DLEC1: variants seen among roughly 807,000 people sequenced by gnomAD.
The protein encoded by DLEC1 is deleted in lung and esophageal cancer protein 1.
In DLEC1, 146 loss-of-function variants were observed where a neutral mutation model predicts 198.1. The observed-to-expected ratio is 0.74, with a 90% CI of 0.64 to 0.85. The LOEUF (loss-of-function observed/expected upper bound fraction) is 0.85, where lower values mean the gene tolerates loss of function less well. DLEC1 is among the 40% of genes least tolerant of loss of function. The probability of loss-of-function intolerance (pLI) is 0.00; values close to 1 mark genes in which losing one functional copy is unlikely to be tolerated. For missense variants in DLEC1, 2,233 were observed against 2,220.0 expected (o/e 1.01, Z -0.12); for synonymous variants, 897 against 866.8 (o/e 1.03, Z -0.61).
Position 38,104,054 on chromosome 3 carries a change from G to C in DLEC1, c.2865-3530G>C, listed in dbSNP as rs765929240. The stretch of plus-strand genomic sequence containing the variant: ...TGATAGGCTTGCTCAATGCAGCGTT[G>C]TCACAAACCTTCGATTTGTAAAAAT... On this transcript the variant is annotated intron_variant, in intron 19 of 36. Transcript: ENST00000308059. Among the ~76,000 whole-genome samples the C allele has an allele frequency of 2.6e-5, 4 of 152,226 alleles. No individual in the cohort carries two copies. The South Asian group carries it at 8.3e-4, about 31-fold the overall frequency.
At chr3:38,068,082 TAGCA>T (rs1220250917) in intron 6 of DLEC1, among the ~76,000 whole-genome samples, 6 of 151,912 alleles carry the variant, frequency 3.9e-5, no homozygotes, top group African/African-American at 1.5e-4. Flanking sequence ...GTGAGTATCC[TAGCA>T]AGCAAGAAGG....
intron 1 of DLEC1, among the ~76,000 whole-genome samples, chr3:38,041,620 G>A (rs973162781): frequency 8.6e-5 from 13 of 151,072 alleles, no homozygotes; most frequent in Non-Finnish European, 1.6e-4. Context: ...AGGCCGAGGC[G>A]GGCAGATCAC....
chr3:38,108,721 G>A (rs1699700157), intron 21 of DLEC1, among the ~76,000 whole-genome samples: 1 of 152,224 alleles, frequency 6.6e-6, no homozygotes, highest in African/African-American at 2.4e-5. Flanking sequence ...AGTAGGCCTG[G>A]GGATGTGCCC....
chr3:38,092,960 C>T (rs983703662), intron 11 of DLEC1, 80 bp downstream of exon 11: 11 of 1,312,146 alleles, frequency 8.4e-6, no homozygotes, highest in African/African-American at 7.3e-5. Context: ...GTAGCATTAG[C>T]GGCAGCCCAC....
intron 19 of DLEC1, chr3:38,103,181 A>G (rs1413764101): frequency 6.6e-6 from 1 of 152,000 alleles, no homozygotes; most frequent in Non-Finnish European, 1.5e-5. Flanking sequence ...TATCATTCCA[A>G]TCTCTATGTC....
intron 18 of DLEC1, 132 bp downstream of exon 18, chr3:38,098,034 C>G (rs1170675506): frequency 1.7e-6 from 2 of 1,177,488 alleles, no homozygotes; most frequent in South Asian, 3.0e-5. Flanking sequence ...CTGGTGACTT[C>G]GGCCTGGCGG....
chr3:38,093,255 C>T (rs1391115489), intron 11 of DLEC1, among the ~76,000 whole-genome samples: 1 of 152,094 alleles, frequency 6.6e-6, no homozygotes, highest in Non-Finnish European at 1.5e-5. Flanking sequence ...GAAGAGGCAT[C>T]CTAGGAATCG....
At chr3:38,055,977 G>A (rs894675321) in intron 2 of DLEC1, among the ~76,000 whole-genome samples, 4 of 151,976 alleles carry the variant, frequency 2.6e-5, no homozygotes, top group Non-Finnish European at 4.4e-5. Context: ...CCAGCACTTC[G>A]GGAGACCGAG....
chr3:38,060,803 T>C (rs1160620239), intron 3 of DLEC1, among the ~76,000 whole-genome samples: 1 of 151,994 alleles, frequency 6.6e-6, no homozygotes, highest in African/African-American at 2.4e-5. Context: ...CAAGCAATTC[T>C]CCTTCCTCAG....
intron 7 of DLEC1, among the ~76,000 whole-genome samples, 184 bp downstream of exon 7, chr3:38,084,429 G>GTAGTAA (rs1575170645): frequency 6.7e-6 from 1 of 149,896 alleles, no homozygotes; most frequent in East Asian, 2.0e-4. Flanking sequence ...AGTGGTAGTA[G>GTAGTAA]TAGTAGTGGT....
At chr3:38,070,652 T>C (rs1027051352) in intron 6 of DLEC1, among the ~76,000 whole-genome samples, 3 of 151,922 alleles carry the variant, frequency 2.0e-5, no homozygotes, top group Admixed American at 6.6e-5. Context: ...TAAAGGAAAA[T>C]TGCAGTCAAA....
chr3:38,073,908 G>A (rs985251718), intron 6 of DLEC1, among the ~76,000 whole-genome samples: 25 of 152,168 alleles, frequency 1.6e-4, no homozygotes, highest in Non-Finnish European at 2.6e-4. Flanking sequence ...TGAGGTGATC[G>A]GGCAGCATCA....
At chr3:38,111,172 C>A (rs1270318307) in intron 23 of DLEC1, among the ~76,000 whole-genome samples, 1 of 152,134 alleles carries the variant, frequency 6.6e-6, no homozygotes. Flanking sequence ...TCTAGTGAAG[C>A]AAGAGGGCCC....
intron 5 of DLEC1, 129 bp from the exon 6 acceptor site, chr3:38,063,712 C>A: frequency 4.6e-6 from 3 of 649,512 alleles, no homozygotes; most frequent in Middle Eastern, 2.7e-4. Flanking sequence ...AACCCCCCAA[C>A]AAATGGTATA....
chr3:38,085,779 T>A (rs1698422078), intron 8 of DLEC1, among the ~76,000 whole-genome samples: 2 of 152,154 alleles, frequency 1.3e-5, no homozygotes, highest in Admixed American at 1.3e-4. Flanking sequence ...GAAGTGCCTG[T>A]GCACCCTGAG....
intron 1 of DLEC1, among the ~76,000 whole-genome samples, chr3:38,040,907 A>G (rs1274455912): frequency 1.3e-5 from 2 of 151,468 alleles, no homozygotes; most frequent in Non-Finnish European, 2.9e-5. Context: ...TGATGTGATC[A>G]CAGCTCACTG....
chr3:38,092,125 T>C (rs1047846901), intron 10 of DLEC1, among the ~76,000 whole-genome samples: 3 of 152,208 alleles, frequency 2.0e-5, no homozygotes, highest in African/African-American at 7.2e-5. Flanking sequence ...CATTGTGTCA[T>C]TCACAATAGG....
chr3:38,115,180 G>C (rs1700090872), intron 27 of DLEC1, 127 bp downstream of exon 27: 1 of 994,206 alleles, frequency 1.0e-6, no homozygotes, highest in East Asian at 2.6e-5. Flanking sequence ...CAGGGGGCCT[G>C]TGGTTACGGA....
chr3:38,084,285 ATAG>A (rs752527878), intron 7 of DLEC1, 40 bp downstream of exon 7: 21 of 1,550,216 alleles, frequency 1.4e-5, no homozygotes, highest in Admixed American at 1.7e-5. Context: ...AGTAGTGGTA[ATAG>A]TAGTGGTGGT....
Sources: gnomAD v4.1 joint callset for allele counts (sites outside exome capture counted in the v4.1 genomes callset) on GRCh38, gnomAD v4.1.1 for gene constraint, MANE v1.5 for transcripts, NCBI Gene and HGNC (gene_info 2026-07-23, HGNC 2026-07-21) for gene names.